Variants in WDR81 observed in about 807,000 individuals in gnomAD.
WDR81 encodes WD repeat-containing protein 81.
A neutral mutation model predicts 140.8 loss-of-function variants in WDR81; 92 were observed. The observed-to-expected ratio is 0.65, with a 90% CI of 0.55 to 0.78. WDR81 has a LOEUF of 0.78. WDR81 is among the 30% of genes least tolerant of loss of function. WDR81 has a pLI of 0.00. For missense variants in WDR81, 2,502 were observed against 2,636.4 expected (o/e 0.95, Z 1.12); for synonymous variants, 1,183 against 1,156.4 (o/e 1.02, Z -0.47).
At chr17:1,737,125 C>T (rs561690843) in intron 9 of WDR81, among the ~76,000 whole-genome samples, 29 of 152,344 alleles carry the variant, frequency 1.9e-4, no homozygotes, top group African/African-American at 4.6e-4. Context: ...GTCACGTGCA[C>T]GCCTGGCACC....
rs775391864 is a variant in WDR81, at chr17:1,730,996, G to C, written c.3966+51G>C. ...GGGCTGGGAAGGCTGAGGACCTGAG[G>C]GCCGGCCCGGGCTCTCTTGGTGCCA... is the stretch of plus-strand genomic sequence containing the variant. On this transcript the variant is annotated intron_variant, in intron 3 of 9. Coordinates refer to ENST00000409644, the MANE Select transcript of WDR81 (RefSeq NM_001163809.2). 4 of 1,604,102 alleles carry C rather than the reference G, an allele frequency of 2.5e-6. No individual in the cohort carries two copies. The African/African-American group carries it at 5.3e-5, about 21-fold the overall frequency.
chr17:1,734,286 CCGAGGGTGGGGCTGTAA>C, intron 7 of WDR81, 70 bp downstream of exon 7: 1 of 1,450,702 alleles, frequency 6.9e-7, no homozygotes, highest in Non-Finnish European at 9.1e-7. Context: ...GGAAGGGGGC[CCGAGGGTGGGGCTGTAA>C]TGCTGCGGAG....
chr17:1,716,662 G>A, intron 1 of WDR81: 1 of 1,551,428 alleles, frequency 6.4e-7, no homozygotes, highest in Non-Finnish European at 8.7e-7. Context: ...ACTGAGCTCG[G>A]AATCCAGCCC....
Position 1,728,250 on chromosome 17 carries a change from C to T in WDR81, c.3291C>T (p.Pro1097=), listed in dbSNP as rs1184854834. The change falls in exon 1 of 10, where the codon CCC becomes CCT. Residue 1097 remains proline (P), a synonymous_variant. Transcript: ENST00000409644. ...AGLYVTESPQ[P]QEAEAVSLGR... is the part of the protein sequence containing the mutation. ...TCTATGTGACTGAGTCTCCCCAGCC[C>T]CAGGAGGCTGAGGCTGTGAGCCTGG... The T allele has an allele frequency of 3.1e-6, 5 of 1,611,704 alleles. No homozygotes were observed. Among genetic ancestry groups the T allele is most frequent in the Non-Finnish European group, 4.2e-6 (5 of 1,179,254 alleles).
Position 1,726,915 on chromosome 17 carries a change from G to C in WDR81, c.1956G>C (p.Pro652=). 1 of 1,550,432 alleles carries C rather than the reference G, an allele frequency of 6.4e-7. No homozygotes were observed. The highest frequency in any genetic ancestry group is 8.7e-7 in the Non-Finnish European group (1 of 1,146,982). Residue 652 remains proline (P), a synonymous_variant, in exon 1 of 10, where the codon CCG becomes CCC. Coordinates refer to ENST00000409644, the MANE Select transcript of WDR81 (RefSeq NM_001163809.2). ...PCEASWTRDR[P]VAGEDDLEQA... The stretch of plus-strand genomic sequence containing the variant: ...AGGCTAGCTGGACCAGAGACAGGCC[G>C]GTGGCAGGAGAAGACGACTTGGAAC...
At position 1,733,628 on chromosome 17, in the gene WDR81, G is replaced by A. The variant is rs147625451; in HGVS notation, c.4591G>A (p.Val1531Met). The change falls in exon 7 of 10, where the codon GTG (valine) becomes ATG (methionine). Residue 1531 changes from valine (V) to methionine (M), a missense_variant. Physicochemically the swap from Val to Met is conservative, Grantham distance 21. Coordinates refer to ENST00000409644, the MANE Select transcript of WDR81 (RefSeq NM_001163809.2). ...CCCCAGCAGTCGCAACCCTGCCAGC[G>A]TGGAGCCCACCATGCCCGGCACCGG... Reference protein sequence around the residue: ...ISPSSRNPASVEPTMPGTGPE... With the variant: ...ISPSSRNPASMEPTMPGTGPE... 1.8e-4 allele frequency: 281 copies of A among 1,598,348 alleles called. No individual in the cohort carries two copies. Among genetic ancestry groups the A allele is most frequent in the African/African-American group, 4.0e-4 (30 of 74,708 alleles).
chr17:1,730,971 G>A, intron 3 of WDR81, 26 bp downstream of exon 3: 1 of 1,609,766 alleles, frequency 6.2e-7, no homozygotes, highest in South Asian at 1.1e-5. Flanking sequence ...GGCAGGCCCG[G>A]GGCTGGGAAG....
rs991005968 is a variant in WDR81 at position 1,738,447 on chromosome 17, G to A, written c.*762G>A. ...TGAGAAGAATCATCTCTGCACCTCG[G>A]GTCTCTGCCAGAGGAAGACTTAAGC... On this transcript the variant is annotated 3_prime_UTR_variant, in exon 10 of 10. Transcript: ENST00000409644. 1.3e-5 allele frequency: 2 copies of A among 152,940 alleles called. No individual in the cohort carries two copies. The highest frequency in any genetic ancestry group is 2.9e-5 in the Non-Finnish European group (2 of 68,504). 9.5% of individuals were successfully genotyped at this position (152,940 alleles called of 1,614,324 possible).
Position 1,735,706 on chromosome 17 carries a change from C to G in WDR81, c.5314C>G (p.Pro1772Ala). The change falls in exon 8 of 10, where the codon CCT becomes GCT. Residue 1772 changes from proline (P) to alanine (A), a missense_variant. By Grantham distance (27) the Pro-to-Ala change is conservative. Around this residue, in one of 3 missense-constraint regions of WDR81, gnomAD observed 1,737 missense variants for 1,843.0 expected, o/e 0.94. Coordinates refer to ENST00000409644, the MANE Select transcript of WDR81 (RefSeq NM_001163809.2). This position sits in a 1 kb window ranked among gnomAD's most constrained non-coding sequence, Gnocchi z 4.2. ...STLRFVDCRK[P>A]GLQHEFRLGG... ...CCTGCGCTTTGTGGACTGCAGGAAGCCTGGTCTGCAGGTCAGGGGGGTCCA... is the reference window on the plus strand; with the variant it reads ...CCTGCGCTTTGTGGACTGCAGGAAGGCTGGTCTGCAGGTCAGGGGGGTCCA... The G allele has an allele frequency of 6.2e-7, 1 of 1,612,258 alleles. No individual in the cohort carries two copies. The highest frequency in any genetic ancestry group is 8.5e-7 in the Non-Finnish European group (1 of 1,179,546).
Position 1,724,768 on chromosome 17 carries a change from G to A in WDR81, c.-192G>A. On this transcript the variant is annotated 5_prime_UTR_variant, in exon 1 of 10. Transcript: ENST00000409644. ...CAGCCTCTGCCCCGCCGCGCCCGGA[G>A]CGCAGGACCCGCGGAGGGGTAAGCG... 1 of 1,151,982 alleles carries A rather than the reference G, an allele frequency of 8.7e-7. No individual in the cohort carries two copies. 71.4% of individuals were successfully genotyped at this position (1,151,982 alleles called of 1,614,324 possible). A position where few individuals can be genotyped will look rare whatever the true frequency, so the allele number is the denominator to read the frequency against.
In WDR81 at chr17:1,735,559, C is replaced by G; in HGVS notation, c.5180-13C>G. The G allele has an allele frequency of 1.9e-6, 3 of 1,591,084 alleles. No individual in the cohort carries two copies. The highest frequency in any genetic ancestry group is 2.6e-6 in the Non-Finnish European group (3 of 1,167,468). On this transcript the variant is annotated splice_polypyrimidine_tract_variant and intron_variant, in intron 7 of 9. Transcript: ENST00000409644. This position sits in a 1 kb window ranked among gnomAD's most constrained non-coding sequence, Gnocchi z 4.2. ...TGCTGGGACCCCAGATCCACTGTGA[C>G]TTTCCTTCCCAGGGAAGACCCTTCG...
Position 1,724,761 on chromosome 17 carries a change from G to T in WDR81, c.-199G>T, listed in dbSNP as rs530126893. 8.5e-4 allele frequency: 974 copies of T among 1,141,648 alleles called. 2 individuals carry two copies. Among genetic ancestry groups the T allele is most frequent in the Non-Finnish European group, 9.8e-4 (914 of 930,630 alleles). 70.7% of individuals were successfully genotyped at this position (1,141,648 alleles called of 1,614,324 possible). A position where few individuals can be genotyped will look rare whatever the true frequency, so the allele number is the denominator to read the frequency against. ...CGCCCGGCAGCCTCTGCCCCGCCGC[G>T]CCCGGAGCGCAGGACCCGCGGAGGG... On this transcript the variant is annotated 5_prime_UTR_variant, in exon 1 of 10. Coordinates refer to ENST00000409644, the MANE Select transcript of WDR81 (RefSeq NM_001163809.2).
Position 1,725,591 on chromosome 17 carries a change from G to T in WDR81, c.632G>T (p.Gly211Val). 1 of 1,545,258 alleles carries T rather than the reference G, an allele frequency of 6.5e-7. No homozygotes were observed. Among genetic ancestry groups the T allele is most frequent in the Non-Finnish European group, 8.7e-7 (1 of 1,146,938 alleles). The change falls in exon 1 of 10, where the codon GGC becomes GTC. Residue 211 changes from glycine (G) to valine (V), a missense_variant. Around this residue, in one of 3 missense-constraint regions of WDR81, gnomAD observed 547 missense variants for 513.8 expected, o/e 1.06. Coordinates refer to ENST00000409644, the MANE Select transcript of WDR81 (RefSeq NM_001163809.2). ...AGAGAAGGCCCCTGCCCCCCTCGGG[G>T]CAGCCCTGCTTGCCCTAGTCTTTTA... ...YAREGPCPPRGSPACPSLLRA... is the reference protein window; with the variant it reads ...YAREGPCPPRVSPACPSLLRA...
intron 4 of WDR81, 42 bp from the exon 5 acceptor site, chr17:1,732,283 C>G (rs1349800574): frequency 2.5e-6 from 4 of 1,596,186 alleles, no homozygotes; most frequent in Non-Finnish European, 3.4e-6. Flanking sequence ...CTGGTCAAGT[C>G]CTGCAGAACG....
rs757292158 is a variant in WDR81 at position 1,736,160 on chromosome 17, G to T, written c.5447G>T (p.Arg1816Leu). The T allele has an allele frequency of 1.2e-6, 2 of 1,601,316 alleles. No individual in the cohort carries two copies. The highest frequency in any genetic ancestry group is 1.7e-6 in the Non-Finnish European group (2 of 1,179,782). Residue 1816 changes from arginine to leucine, a missense_variant, in exon 9 of 10, where the codon CGC (arginine) becomes CTC (leucine). This residue lies in a region of WDR81 where 1,737 missense variants were observed against 1,843.0 expected (regional missense o/e 0.94). Transcript: ENST00000409644. ...SSGFMVLLDT[R>L]TGLVLRGWPA... ...GGCTTCATGGTGCTCCTGGACACCC[G>T]CACAGGCCTGGTTCTGCGAGGCTGG...
At position 1,730,376 on chromosome 17, in the gene WDR81, G is replaced by A. The variant is rs768716529; in HGVS notation, c.3668-4G>A. 2.1e-5 allele frequency: 33 copies of A among 1,609,628 alleles called. No individual in the cohort carries two copies. Among genetic ancestry groups the A allele is most frequent in the African/African-American group, 8.0e-5 (6 of 74,864 alleles). ...GGAGCTCAGGGCCTGCTCCCACCCC[G>A]CAGATACAGCCTGCAAGATGGTCCG... is the stretch of plus-strand genomic sequence containing the variant. On this transcript the variant is annotated splice_region_variant and splice_polypyrimidine_tract_variant and intron_variant, in intron 1 of 9. Transcript: ENST00000409644.
intron 1 of WDR81, among the ~76,000 whole-genome samples, chr17:1,717,677 A>G (rs1914652012): frequency 6.6e-6 from 1 of 151,222 alleles, no homozygotes; most frequent in Non-Finnish European, 1.5e-5. Flanking sequence ...CCCCTTATCC[A>G]CTCCCATGGG....
chr17:1,731,079 G>C lies in WDR81; in HGVS notation c.3978G>C (p.Gly1326=), dbSNP rs1324927536. Residue 1326 remains glycine (G), a synonymous_variant, in exon 4 of 10, where the codon GGG becomes GGC. Transcript: ENST00000409644. Reference sequence around the variant, plus strand: ...CTCGGTGGCTCTAGGTGGCCCCAGGGAGTGCCTCAGGCCCCAGCCGACTGA... The same window carrying C: ...CTCGGTGGCTCTAGGTGGCCCCAGGCAGTGCCTCAGGCCCCAGCCGACTGA... The part of the protein sequence containing the change: ...LPYISYLVAP[G]SASGPSRLNS... 1 of 1,612,254 alleles carries C rather than the reference G, an allele frequency of 6.2e-7. No individual in the cohort carries two copies. The highest frequency in any genetic ancestry group is 2.2e-5 in the East Asian group (1 of 44,886).
At position 1,732,026 on chromosome 17, in the gene WDR81, G is replaced by A. The variant is rs528079828; in HGVS notation, c.4158-299G>A. Among the ~76,000 whole-genome samples, 501 of 152,174 alleles carry A rather than the reference G, an allele frequency of 3.3e-3. 1 individual carries two copies. The highest frequency in any genetic ancestry group is 6.8e-3 in the Middle Eastern group (2 of 294). The stretch of plus-strand genomic sequence containing the variant: ...AGGTGGGTGGATCGCTTGAGGTCAG[G>A]AGTTCGAGACCAGCCTGGCCAATAT... On this transcript the variant is annotated intron_variant, in intron 4 of 9. Transcript: ENST00000409644.
Sources: allele counts gnomAD v4.1 joint callset (sites outside exome capture counted in the v4.1 genomes callset), GRCh38; gene constraint gnomAD v4.1.1; regional missense constraint gnomAD v4.1.1; non-coding constraint Gnocchi (gnomAD v3.1); transcripts MANE v1.5; gene names NCBI Gene and HGNC (gene_info 2026-07-23, HGNC 2026-07-21).